Variants in FNTA observed in about 807,000 individuals in gnomAD.
FNTA encodes farnesyltransferase, CAAX box, subunit alpha.
In FNTA, 27 loss-of-function variants were observed where a neutral mutation model predicts 55.2. That is an observed-to-expected ratio of 0.49 (90% CI 0.36 to 0.67). FNTA has a LOEUF of 0.67. Ranked by LOEUF, FNTA falls within the 30% of genes least tolerant of loss-of-function variation. The pLI is 0.00. For synonymous variants in FNTA, 176 were observed against 170.7 expected, an observed-to-expected ratio of 1.03 and a Z score of -0.24; for missense variants, 422 against 464.7, an observed-to-expected ratio of 0.91 and a Z score of 0.85.
intron 2 of FNTA, 39 bp from the exon 3 acceptor site, chr8:43,064,062 G>T: frequency 8.0e-7 from 1 of 1,254,510 alleles, no homozygotes. Flanking sequence ...CTAATTTTAA[G>T]TAAGATGGTC....
At chr8:43,061,607 C>T (rs988892278) in intron 2 of FNTA, among the ~76,000 whole-genome samples, 3 of 152,094 alleles carry the variant, frequency 2.0e-5, no homozygotes, top group African/African-American at 7.2e-5. Context: ...ACAGTTAATA[C>T]TATATAACCG....
At chr8:43,081,948 T>C (rs1470158229) in intron 6 of FNTA, 2 of 152,156 alleles carry the variant, frequency 1.3e-5, no homozygotes, top group African/African-American at 4.8e-5. Context: ...CAAAATGAAA[T>C]TAAGAATCTT....
chr8:43,066,982 A>C (rs968943320), intron 3 of FNTA, among the ~76,000 whole-genome samples: 1 of 152,146 alleles, frequency 6.6e-6, no homozygotes, highest in South Asian at 2.1e-4. Context: ...TAGGATACCA[A>C]CTTTTTGCTT....
At chr8:43,082,324 C>T (rs753935281) in intron 6 of FNTA, 1 of 152,144 alleles carries the variant, frequency 6.6e-6, no homozygotes, top group African/African-American at 2.4e-5. Flanking sequence ...ATAAGAAATA[C>T]ATTCTTGTGT....
intron 3 of FNTA, among the ~76,000 whole-genome samples, chr8:43,068,405 T>G (rs1276795805): frequency 1.3e-5 from 2 of 152,200 alleles, no homozygotes; most frequent in Non-Finnish European, 2.9e-5. Flanking sequence ...GAAAATTCCT[T>G]TTGTTGGTGG....
At chr8:43,075,615 A>G (rs552197824) in intron 5 of FNTA, among the ~76,000 whole-genome samples, 1 of 152,208 alleles carries the variant, frequency 6.6e-6, no homozygotes, top group East Asian at 1.9e-4. Context: ...CAGGAGTTCA[A>G]GACCAGCCTG....
intron 2 of FNTA, among the ~76,000 whole-genome samples, chr8:43,060,074 T>C (rs1810496136): frequency 6.6e-6 from 1 of 152,214 alleles, no homozygotes; most frequent in South Asian, 2.1e-4. Context: ...CAGAGTTGTA[T>C]CCCTATCATT....
intron 1 of FNTA, among the ~76,000 whole-genome samples, chr8:43,058,351 A>T (rs1033888519): frequency 2.6e-5 from 4 of 152,220 alleles, no homozygotes; most frequent in Non-Finnish European, 4.4e-5. Context: ...CCTCTTGAGT[A>T]AATTAATAGT....
At chr8:43,072,406 C>T (rs1287982529) in intron 5 of FNTA, 99 bp downstream of exon 5, 22 of 806,002 alleles carry the variant, frequency 2.7e-5, no homozygotes, top group African/African-American at 5.4e-5. Flanking sequence ...CACACACATA[C>T]GTAGATCATT....
chr8:43,059,354 A>C (rs1425204200), intron 2 of FNTA, among the ~76,000 whole-genome samples, 177 bp downstream of exon 2: 1 of 152,182 alleles, frequency 6.6e-6, no homozygotes, highest in Non-Finnish European at 1.5e-5. Context: ...TTATGATTAA[A>C]AGTTTTATTT....
In FNTA at chr8:43,065,693, AT is replaced by A. The variant is rs568444431; in HGVS notation, c.401+1483del. Among the ~76,000 whole-genome samples, 18 of 151,298 alleles carry A rather than the reference AT, an allele frequency of 1.2e-4. No homozygotes were observed. In the South Asian group the frequency reaches 3.7e-3, roughly 31 times the overall value. On this transcript the variant is annotated intron_variant, in intron 3 of 8. Coordinates refer to ENST00000302279, the MANE Select transcript of FNTA (RefSeq NM_002027.3). ...TGAACACAGGTCATCCTTCAGTTTC[AT>A]TTTTCTCTTCACCAATTGGATGCTG...
At chr8:43,075,525 A>G (rs183109803) in intron 5 of FNTA, among the ~76,000 whole-genome samples, 1 of 152,120 alleles carries the variant, frequency 6.6e-6, no homozygotes. Context: ...AATATAAAAA[A>G]TTTATATTGC....
chr8:43,063,555 C>T (rs1210599483), intron 2 of FNTA, among the ~76,000 whole-genome samples: 1 of 151,834 alleles, frequency 6.6e-6, no homozygotes. Flanking sequence ...GTGATGGGAT[C>T]TCGTTTGCAT....
intron 6 of FNTA, chr8:43,081,058 A>T (rs976822093): frequency 1.3e-4 from 20 of 152,028 alleles, no homozygotes; most frequent in Admixed American, 5.9e-4. Context: ...AGTTTGTTAA[A>T]TTTTTTTTAA....
chr8:43,071,440 G>T (rs1188414408), intron 4 of FNTA, among the ~76,000 whole-genome samples: 1 of 152,126 alleles, frequency 6.6e-6, no homozygotes, highest in Non-Finnish European at 1.5e-5. Context: ...GGAGGCTGAG[G>T]TGGGCGGATC....
intron 2 of FNTA, chr8:43,063,193 A>G (rs1056544042): frequency 2.3e-6 from 1 of 442,946 alleles, no homozygotes; most frequent in Non-Finnish European, 4.5e-6. Flanking sequence ...CGATCCTCCT[A>G]CCTCTGCCTC....
At chr8:43,071,531 G>C (rs957016995) in intron 4 of FNTA, among the ~76,000 whole-genome samples, 4 of 151,944 alleles carry the variant, frequency 2.6e-5, no homozygotes, top group African/African-American at 9.7e-5. Context: ...AATTAGCCGG[G>C]CGTGGTGGCA....
chr8:43,071,710 A>T (rs1035153828), intron 4 of FNTA, among the ~76,000 whole-genome samples: 74 of 148,372 alleles, frequency 5.0e-4, no homozygotes, highest in East Asian at 3.9e-3. Context: ...AAAAAAAAAA[A>T]ACAAAAAAAC....
At chr8:43,083,210 A>G (rs1586662589) in intron 7 of FNTA, 30 bp downstream of exon 7, 9 of 1,381,614 alleles carry the variant, frequency 6.5e-6, no homozygotes, top group East Asian at 2.3e-5. Flanking sequence ...TTTTTTATAT[A>G]TAAAAAAGAA....
Sources: allele counts gnomAD v4.1 joint callset (sites outside exome capture counted in the v4.1 genomes callset), GRCh38; gene constraint gnomAD v4.1.1; transcripts MANE v1.5; gene names NCBI Gene and HGNC (gene_info 2026-07-23, HGNC 2026-07-21).